Variants in ADGRV1 observed in about 807,000 individuals in gnomAD.
ADGRV1 encodes the protein adhesion G protein-coupled receptor V1.
ADGRV1 carries 359 observed loss-of-function variants against 596.2 expected under a neutral mutation model. The observed-to-expected ratio is 0.60, with a 90% CI of 0.55 to 0.66. The LOEUF (loss-of-function observed/expected upper bound fraction) is 0.66, where lower values mean the gene tolerates loss of function less well. ADGRV1 is among the 30% of genes least tolerant of loss of function. ADGRV1 has a pLI of 0.00. For synonymous variants in ADGRV1, 2,681 were observed against 2,679.2 expected (o/e 1.00, Z -0.02); for missense variants, 7,274 against 7,575.6 (o/e 0.96, Z 1.48).
chr5:91,138,304 T>C (rs954445224), intron 87 of ADGRV1, among the ~76,000 whole-genome samples: 2 of 152,214 alleles, frequency 1.3e-5, no homozygotes, highest in Non-Finnish European at 2.9e-5. Context: ...GGAGTGGTTA[T>C]TTCTGAGTGC....
At chr5:90,920,456 C>T (rs1197468447) in intron 83 of ADGRV1, among the ~76,000 whole-genome samples, 5 of 152,152 alleles carry the variant, frequency 3.3e-5, no homozygotes, top group South Asian at 2.1e-4. Context: ...AAAAAAATTT[C>T]TCTTCAGAGT....
chr5:90,787,590 C>CTTTTTTT (rs35504697), intron 67 of ADGRV1, among the ~76,000 whole-genome samples: 6 of 118,894 alleles, frequency 5.0e-5, no homozygotes, highest in Middle Eastern at 4.7e-3. Context: ...TTCTTTCTTT[C>CTTTTTTT]TTTTTTTTTT....
intron 1 of ADGRV1, among the ~76,000 whole-genome samples, chr5:90,600,963 G>T (rs186192962): frequency 6.6e-6 from 1 of 151,960 alleles, no homozygotes; most frequent in East Asian, 2.0e-4. Flanking sequence ...CCGGCCGAGC[G>T]CAGTGGCTCA....
At chr5:90,721,529 A>AAAAT (rs1750967279) in intron 45 of ADGRV1, among the ~76,000 whole-genome samples, 14 of 18,634 alleles carry the variant, frequency 7.5e-4, no homozygotes, top group South Asian at 1.5e-3. Flanking sequence ...TAAAATAAAA[A>AAAAT]TAAAAATAAA....
At chr5:91,078,618 A>G (rs1197885317) in intron 86 of ADGRV1, among the ~76,000 whole-genome samples, 1 of 152,212 alleles carries the variant, frequency 6.6e-6, no homozygotes, top group African/African-American at 2.4e-5. Flanking sequence ...TCTAAGTTCA[A>G]TTACCCAGAG....
chr5:90,740,794 C>CAA (rs1753860874), intron 50 of ADGRV1, among the ~76,000 whole-genome samples: 1 of 152,188 alleles, frequency 6.6e-6, no homozygotes, highest in African/African-American at 2.4e-5. Context: ...GCCTCCAACT[C>CAA]AACTCTCTCT....
At chr5:90,692,569 G>T in intron 31 of ADGRV1, 36 bp from the exon 32 acceptor site, 1 of 1,507,058 alleles carries the variant, frequency 6.6e-7, no homozygotes, top group Non-Finnish European at 9.1e-7. Flanking sequence ...TTTCAGAACT[G>T]TGATGCTGTT....
intron 59 of ADGRV1, among the ~76,000 whole-genome samples, chr5:90,770,698 A>G (rs71637312): frequency 6.6e-6 from 1 of 151,364 alleles, no homozygotes; most frequent in African/African-American, 2.4e-5. Flanking sequence ...GAAAACAAAC[A>G]AACAAACAAA....
intron 31 of ADGRV1, among the ~76,000 whole-genome samples, chr5:90,691,537 A>G (rs550925304): frequency 2.2e-4 from 34 of 151,908 alleles, no homozygotes; most frequent in Non-Finnish European, 3.2e-4. Flanking sequence ...GGCACATGCC[A>G]CCATGCCTGG....
chr5:91,060,950 A>AT lies in ADGRV1; in HGVS notation c.18153-11490dup, dbSNP rs1176048162. ...GAGGAATCAAACCATTGCTGTGAGG[A>AT]TTTTTTTGCCAGTCAGACATCTACA... On this transcript the variant is annotated intron_variant, in intron 85 of 89. Coordinates refer to ENST00000405460, the MANE Select transcript of ADGRV1 (RefSeq NM_032119.4). Among the ~76,000 whole-genome samples the AT allele has an allele frequency of 7.9e-5, 12 of 152,262 alleles. No homozygotes were observed. The East Asian group carries it at 2.1e-3, about 27-fold the overall frequency.
At chr5:91,112,930 T>C (rs1006078588) in intron 87 of ADGRV1, among the ~76,000 whole-genome samples, 1 of 152,166 alleles carries the variant, frequency 6.6e-6, no homozygotes, top group Non-Finnish European at 1.5e-5. Flanking sequence ...CAAATCATTA[T>C]AGATGAATAA....
At chr5:90,958,530 G>T (rs1203570516) in intron 83 of ADGRV1, among the ~76,000 whole-genome samples, 2 of 136,024 alleles carry the variant, frequency 1.5e-5, no homozygotes, top group African/African-American at 3.0e-5. Flanking sequence ...ACACAGACTG[G>T]ATGGCTTTAA....
At chr5:90,737,353 A>G (rs897384127) in intron 50 of ADGRV1, among the ~76,000 whole-genome samples, 7 of 151,992 alleles carry the variant, frequency 4.6e-5, no homozygotes, top group Admixed American at 1.3e-4. Context: ...GGCCTAACAT[A>G]TAGTCTATCC....
At chr5:91,021,577 CCA>C (rs1783634575) in intron 85 of ADGRV1, among the ~76,000 whole-genome samples, 1 of 152,094 alleles carries the variant, frequency 6.6e-6, no homozygotes, top group Non-Finnish European at 1.5e-5. Context: ...TGCTTATCTT[CCA>C]CATTTCCTGT....
At chr5:91,070,068 G>T (rs79193491) in intron 85 of ADGRV1, among the ~76,000 whole-genome samples, 1,743 of 152,232 alleles carry the variant, frequency 0.011, 37 homozygotes, top group African/African-American at 0.041. Flanking sequence ...GGGTACTCTT[G>T]GACGTAAAGA....
intron 42 of ADGRV1, among the ~76,000 whole-genome samples, chr5:90,714,957 A>T (rs1029441858): frequency 1.3e-5 from 2 of 152,320 alleles, no homozygotes; most frequent in African/African-American, 4.8e-5. Flanking sequence ...TGAACATTAG[A>T]TTCAAACTGA....
At chr5:90,771,903 T>A (rs1051065800) in intron 59 of ADGRV1, among the ~76,000 whole-genome samples, 1 of 152,156 alleles carries the variant, frequency 6.6e-6, no homozygotes, top group Non-Finnish European at 1.5e-5. Flanking sequence ...TCTCTAATAT[T>A]CGGAATTTAT....
At chr5:90,677,634 T>G (rs903053849) in intron 25 of ADGRV1, among the ~76,000 whole-genome samples, 1 of 152,210 alleles carries the variant, frequency 6.6e-6, no homozygotes, top group Non-Finnish European at 1.5e-5. Context: ...ATAATAATAC[T>G]TGTGATCATA....
At chr5:91,039,454 A>G (rs1320509182) in intron 85 of ADGRV1, among the ~76,000 whole-genome samples, 1 of 152,194 alleles carries the variant, frequency 6.6e-6, no homozygotes, top group Non-Finnish European at 1.5e-5. Context: ...TGAGTCATGT[A>G]TTCACCTCTG....
Sources: gnomAD v4.1 joint callset for allele counts (sites outside exome capture counted in the v4.1 genomes callset) on GRCh38, gnomAD v4.1.1 for gene constraint, MANE v1.5 for transcripts, NCBI Gene and HGNC (gene_info 2026-07-23, HGNC 2026-07-21) for gene names.